FBXO16: variants seen among roughly 807,000 people sequenced by gnomAD.
FBXO16 encodes the protein F-box only protein 16.
A neutral mutation model predicts 41.0 loss-of-function variants in FBXO16; 31 were observed. The observed-to-expected ratio is 0.76, with a 90% CI of 0.57 to 1.02. The LOEUF (loss-of-function observed/expected upper bound fraction) is 1.02, where lower values mean the gene tolerates loss of function less well. FBXO16 is among the 50% of genes least tolerant of loss of function. FBXO16 has a pLI of 0.00. For synonymous variants in FBXO16, 133 were observed against 117.8 expected (o/e 1.13, Z -0.84); for missense variants, 361 against 346.2 (o/e 1.04, Z -0.34).
At chr8:28,454,028 T>C (rs941311794) in intron 5 of FBXO16, among the ~76,000 whole-genome samples, 8 of 151,804 alleles carry the variant, frequency 5.3e-5, no homozygotes. Context: ...TAGCCAGGTG[T>C]GGTGGCGCAT....
At chr8:28,451,775 G>A (rs1224196348) in intron 6 of FBXO16, among the ~76,000 whole-genome samples, 1 of 151,824 alleles carries the variant, frequency 6.6e-6, no homozygotes, top group Non-Finnish European at 1.5e-5. Context: ...CTGAGGTCAG[G>A]AGTTCAAGAC....
chr8:28,432,958 G>C (rs560072225), intron 7 of FBXO16, among the ~76,000 whole-genome samples: 10 of 151,974 alleles, frequency 6.6e-5, no homozygotes, highest in Non-Finnish European at 1.2e-4. Flanking sequence ...CTACTTGGGA[G>C]GCCGAGACAG....
rs575047494 is a variant in FBXO16 at position 28,452,041 on chromosome 8, C to T, written c.740+203G>A. Among the ~76,000 whole-genome samples, 11 of 150,206 alleles carry T rather than the reference C, an allele frequency of 7.3e-5. No individual in the cohort carries two copies. The East Asian group carries it at 1.9e-3, about 26-fold the overall frequency. On this transcript the variant is annotated intron_variant, in intron 6 of 8. Transcript: ENST00000380254. ...TAGAAGAAGCAATGTTAAATCATTACTATTACAAAATGCAAACAAACTGTA... is the reference window on the plus strand; with the variant it reads ...TAGAAGAAGCAATGTTAAATCATTATTATTACAAAATGCAAACAAACTGTA...
chr8:28,459,407 C>T (rs1165945829), intron 4 of FBXO16, among the ~76,000 whole-genome samples: 2 of 151,970 alleles, frequency 1.3e-5, no homozygotes, highest in Non-Finnish European at 2.9e-5. Flanking sequence ...CACCCGAGGC[C>T]AGGAGTTCCA....
intron 7 of FBXO16, among the ~76,000 whole-genome samples, chr8:28,443,528 GCTTCTCTAGGTC>G (rs1479131661): frequency 6.6e-6 from 1 of 152,146 alleles, no homozygotes; most frequent in Admixed American, 6.6e-5. Flanking sequence ...CTGCTCACCT[GCTTCTCTAGGTC>G]CTCCTGAAAT....
At chr8:28,489,811 A>T (rs1390196031) in intron 1 of FBXO16, among the ~76,000 whole-genome samples, 2 of 152,214 alleles carry the variant, frequency 1.3e-5, no homozygotes, top group Non-Finnish European at 2.9e-5. Flanking sequence ...TTTACTGAGC[A>T]TAATAGGACT....
intron 1 of FBXO16, among the ~76,000 whole-genome samples, chr8:28,483,697 A>T (rs1803554349): frequency 6.6e-6 from 1 of 151,974 alleles, no homozygotes; most frequent in Non-Finnish European, 1.5e-5. Context: ...CAAACAAATA[A>T]AAAATAGCCG....
chr8:28,452,549 C>G, intron 5 of FBXO16, 73 bp from the exon 6 acceptor site: 1 of 1,474,494 alleles, frequency 6.8e-7, no homozygotes, highest in Admixed American at 1.9e-5. Flanking sequence ...GCCTGTAATC[C>G]CAGCACTTTG....
chr8:28,464,035 A>T (rs1034983245), intron 3 of FBXO16, among the ~76,000 whole-genome samples: 7 of 152,226 alleles, frequency 4.6e-5, no homozygotes, highest in Admixed American at 4.6e-4. Flanking sequence ...ACAGAAGTGC[A>T]TGTGACCTCA....
chr8:28,484,940 A>T (rs1179158675), intron 1 of FBXO16, among the ~76,000 whole-genome samples: 1 of 151,786 alleles, frequency 6.6e-6, no homozygotes, highest in Non-Finnish European at 1.5e-5. Flanking sequence ...CAGTGACACG[A>T]TCTCGGCTCA....
Position 28,481,811 on chromosome 8 carries a change from G to GAAAAA in FBXO16, c.99+1532_99+1536dup, listed in dbSNP as rs71549671. ...GTGACACAGTGAGACTCTGTTTCAG[G>GAAAAA]AAAAAAAAAAAAAAAAGAATGCAAG... On this transcript the variant is annotated intron_variant, in intron 2 of 8. Coordinates refer to ENST00000380254, the MANE Select transcript of FBXO16 (RefSeq NM_172366.4). 9.2e-5 allele frequency among the ~76,000 whole-genome samples: 12 copies of GAAAAA among 130,916 alleles called. 1 individual carries two copies. In the East Asian group the frequency reaches 2.2e-3, roughly 24 times the overall value. 85.9% of individuals were successfully genotyped at this position (130,916 alleles called of 152,430 possible).
At chr8:28,436,091 G>A (rs1802682739) in intron 7 of FBXO16, among the ~76,000 whole-genome samples, 1 of 152,222 alleles carries the variant, frequency 6.6e-6, no homozygotes, top group Non-Finnish European at 1.5e-5. Flanking sequence ...GAGTGCAGAG[G>A]AGATGGCTGA....
At chr8:28,466,170 C>A (rs765136406) in intron 3 of FBXO16, among the ~76,000 whole-genome samples, 1 of 151,794 alleles carries the variant, frequency 6.6e-6, no homozygotes, top group Non-Finnish European at 1.5e-5. Flanking sequence ...ACCCAGGAGG[C>A]GGAGGTTGCG....
chr8:28,447,144 G>T, intron 7 of FBXO16, 27 bp downstream of exon 7: 1 of 1,565,360 alleles, frequency 6.4e-7, no homozygotes, highest in Non-Finnish European at 8.7e-7. Flanking sequence ...ATGTTATGGT[G>T]ATGAATCTTT....
intron 1 of FBXO16, 100 bp from the exon 2 acceptor site, chr8:28,483,562 T>A: frequency 3.8e-6 from 3 of 790,910 alleles, no homozygotes; most frequent in Non-Finnish European, 6.2e-6. Context: ...CTCACGCCTG[T>A]AATTCCAGCA....
At chr8:28,464,176 T>G (rs1007475441) in intron 3 of FBXO16, among the ~76,000 whole-genome samples, 1 of 152,206 alleles carries the variant, frequency 6.6e-6, no homozygotes, top group Non-Finnish European at 1.5e-5. Context: ...AGTTTCTGCA[T>G]TATCCCATCA....
intron 3 of FBXO16, among the ~76,000 whole-genome samples, chr8:28,473,303 C>T (rs1053906449): frequency 1.3e-5 from 2 of 152,180 alleles, no homozygotes; most frequent in African/African-American, 4.8e-5. Flanking sequence ...TCCCTTAAAT[C>T]CAAGCTGAAT....
intron 4 of FBXO16, among the ~76,000 whole-genome samples, chr8:28,463,023 T>C (rs1036079480): frequency 3.3e-5 from 5 of 152,280 alleles, no homozygotes; most frequent in Non-Finnish European, 5.9e-5. Flanking sequence ...TGTACACTAA[T>C]GTGGCTTATA....
rs895675136 is a variant in FBXO16 at position 28,446,821 on chromosome 8, G to C, written c.843+350C>G. ...CAGGAGGCGGAGGTTGCAGTGAGTC[G>C]AAATCATGCCATTGCACTCCAGCCA... On this transcript the variant is annotated intron_variant, in intron 7 of 8. Transcript: ENST00000380254. 3 of 158,966 alleles carry C rather than the reference G, an allele frequency of 1.9e-5. No homozygotes were observed. In the South Asian group the frequency reaches 5.5e-4, roughly 29 times the overall value. 9.8% of individuals were successfully genotyped at this position (158,966 alleles called of 1,614,324 possible).
Sources: allele counts gnomAD v4.1 joint callset (sites outside exome capture counted in the v4.1 genomes callset), GRCh38; gene constraint gnomAD v4.1.1; transcripts MANE v1.5; gene names NCBI Gene and HGNC (gene_info 2026-07-23, HGNC 2026-07-21).